The following WDR1 variants were observed in gnomAD, a reference collection of about 807,000 sequenced individuals.
WDR1 encodes the protein WD repeat domain 1, also known as WD repeat-containing protein 1.
Under a neutral mutation model 71.9 loss-of-function variants are expected in WDR1, and 21 were observed. The ratio of observed to expected loss-of-function variants is 0.29; its 90% confidence interval spans 0.21 to 0.42. WDR1 has a LOEUF of 0.42. Among genes scored for constraint, WDR1 ranks in the 10% least tolerant of loss-of-function variants. The pLI, the probability that WDR1 is intolerant of heterozygous loss-of-function variation, is 1.00. For synonymous variants in WDR1, 424 were observed against 347.4 expected, an observed-to-expected ratio of 1.22 and a Z score of -2.45; for missense variants, 696 against 824.5, an observed-to-expected ratio of 0.84 and a Z score of 1.91.
rs142328550 is a variant in WDR1, at chr4:10,110,597, AC to A, written c.138+5515del. ...GGAGAACTCTTATTCATCCTTCAAGACCCAACTCAAATGTGGCACTTCTCCA... is the reference window on the plus strand; with the variant it reads ...GGAGAACTCTTATTCATCCTTCAAGACCAACTCAAATGTGGCACTTCTCCA... On this transcript the variant is annotated intron_variant, in intron 2 of 14. Coordinates refer to ENST00000499869, the MANE Select transcript of WDR1 (RefSeq NM_017491.5). Among the ~76,000 whole-genome samples the A allele has an allele frequency of 8.9e-3, 1,349 of 152,100 alleles. 41 individuals are homozygous for A. The East Asian group carries it at 0.099, about 11-fold the overall frequency.
chr4:10,112,281 G>A (rs2241468), intron 2 of WDR1, among the ~76,000 whole-genome samples: 24,548 of 152,074 alleles, frequency 0.16, 2,545 homozygotes, highest in Middle Eastern at 0.23. Context: ...CAGACCTAAG[G>A]AGGTACCAGC....
chr4:10,087,212 CCCA>C (rs1205010558), intron 8 of WDR1, among the ~76,000 whole-genome samples: 1 of 152,230 alleles, frequency 6.6e-6, no homozygotes, highest in Admixed American at 6.5e-5. Context: ...TCACACCCTG[CCCA>C]CCACATTCAA....
chr4:10,079,372 C>T (rs1315597886), intron 11 of WDR1, among the ~76,000 whole-genome samples: 1 of 152,270 alleles, frequency 6.6e-6, no homozygotes, highest in Non-Finnish European at 1.5e-5. Flanking sequence ...CCCCTAGGCA[C>T]GTGCCAGCGC....
intron 4 of WDR1, 28 bp from the exon 5 acceptor site, chr4:10,097,919 A>C (rs1360436753): frequency 1.6e-5 from 3 of 191,742 alleles, no homozygotes; most frequent in African/African-American, 6.6e-5. Flanking sequence ...GGTGGAAGAC[A>C]AAAAAAAAAA....
chr4:10,116,588 G>A (rs1373772280), intron 1 of WDR1, 63 bp downstream of exon 1: 15 of 1,139,978 alleles, frequency 1.3e-5, no homozygotes, highest in Non-Finnish European at 1.3e-5. Flanking sequence ...GGCGCCTAGG[G>A]GCCGGGGACC....
Position 10,116,015 on chromosome 4 carries a change from G to A in WDR1, c.138+98C>T, listed in dbSNP as rs536644539. The A allele has an allele frequency of 6.0e-6, 9 of 1,493,790 alleles. No homozygotes were observed. The South Asian group carries it at 9.0e-5, about 15-fold the overall frequency. The allele number at this position is 1,493,790 out of a possible 1,614,324, so 92.5% of individuals were successfully genotyped here. On this transcript the variant is annotated intron_variant, in intron 2 of 14. Transcript: ENST00000499869. ...GGGCGTGGCGCCCTCACCCTCCCCG[G>A]GCCAATGGGCAGGAGGTGAGAAGTG... is the stretch of plus-strand genomic sequence containing the variant.
intron 2 of WDR1, among the ~76,000 whole-genome samples, chr4:10,105,230 CA>C (rs1262187592): frequency 6.6e-6 from 1 of 152,178 alleles, no homozygotes; most frequent in Non-Finnish European, 1.5e-5. Context: ...GATGGCACAA[CA>C]CACATCATAG....
In WDR1 at chr4:10,087,746, C is replaced by T; in HGVS notation, c.912G>A (p.Leu304=). 6.2e-7 allele frequency: 1 copy of T among 1,602,182 alleles called. No homozygotes were observed. Among genetic ancestry groups the T allele is most frequent in the Non-Finnish European group, 8.5e-7 (1 of 1,174,162 alleles). Residue 304 remains leucine, a synonymous_variant, in exon 8 of 15, where the codon CTG becomes CTA. Transcript: ENST00000499869. The part of the protein sequence containing the change: ...SVSLSGYINY[L]DRNNPSKPLH... The stretch of plus-strand genomic sequence containing the variant: ...GGGGCTTGCTGGGGTTGTTTCTGTC[C>T]AGATAGTTGATGTACCCGGACAGGG...
At chr4:10,081,749 A>T (rs1765024230) in intron 10 of WDR1, among the ~76,000 whole-genome samples, 1 of 151,778 alleles carries the variant, frequency 6.6e-6, no homozygotes, top group South Asian at 2.1e-4. Flanking sequence ...TTACACCCAG[A>T]TGTGGCTTTT....
At chr4:10,114,100 C>A (rs1294217941) in intron 2 of WDR1, among the ~76,000 whole-genome samples, 1 of 152,120 alleles carries the variant, frequency 6.6e-6, no homozygotes, top group Non-Finnish European at 1.5e-5. Flanking sequence ...TACTTGAGTA[C>A]CCAGTCCACC....
intron 5 of WDR1, among the ~76,000 whole-genome samples, chr4:10,094,458 C>T (rs758630535): frequency 2.0e-5 from 3 of 152,206 alleles, no homozygotes; most frequent in Non-Finnish European, 2.9e-5. Flanking sequence ...GTACCTATCC[C>T]AGGAGCCTGC....
intron 6 of WDR1, 109 bp downstream of exon 6, chr4:10,088,555 G>C (rs554647561): frequency 5.1e-6 from 6 of 1,171,104 alleles, no homozygotes; most frequent in South Asian, 3.9e-5. Context: ...GGAGGGCGAT[G>C]TCTAAGTTCT....
chr4:10,111,724 A>C (rs1431636357), intron 2 of WDR1, among the ~76,000 whole-genome samples: 1 of 152,002 alleles, frequency 6.6e-6, no homozygotes, highest in Non-Finnish European at 1.5e-5. Flanking sequence ...CGCAGGAAAC[A>C]CAGGTGAGTC....
Position 10,084,396 on chromosome 4 carries a change from C to T in WDR1, c.1039+47G>A, listed in dbSNP as rs752931143. The T allele has an allele frequency of 2.0e-5, 32 of 1,569,984 alleles. No homozygotes were observed. The Admixed American group carries it at 5.6e-4, about 27-fold the overall frequency. Reference sequence around the variant, plus strand: ...GGCATCATGGGAACAGGAAATTCCCCCCTAGAGCCAGCGGCTCCGGAGCCA... The same window carrying T: ...GGCATCATGGGAACAGGAAATTCCCTCCTAGAGCCAGCGGCTCCGGAGCCA... On this transcript the variant is annotated intron_variant, in intron 9 of 14. Transcript: ENST00000499869.
chr4:10,109,378 G>A (rs1202380100), intron 2 of WDR1, among the ~76,000 whole-genome samples: 2 of 152,226 alleles, frequency 1.3e-5, no homozygotes, highest in African/African-American at 2.4e-5. Context: ...CATATGTGGC[G>A]GCCTTTACTC....
At chr4:10,076,640 G>C (rs1764806333) in intron 14 of WDR1, 1 of 152,358 alleles carries the variant, frequency 6.6e-6, no homozygotes, top group African/African-American at 2.4e-5. Flanking sequence ...CTGCAGCTGG[G>C]GAATGGGCTC....
At chr4:10,112,613 G>A (rs925612758) in intron 2 of WDR1, among the ~76,000 whole-genome samples, 1 of 152,206 alleles carries the variant, frequency 6.6e-6, no homozygotes, top group Non-Finnish European at 1.5e-5. Flanking sequence ...GACAGAGGGG[G>A]CTCCAAGTGC....
intron 9 of WDR1, 116 bp from the exon 10 acceptor site, chr4:10,083,294 C>A: frequency 7.6e-7 from 1 of 1,319,212 alleles, no homozygotes; most frequent in Non-Finnish European, 1.0e-6. Context: ...CGCAAACGGA[C>A]ATAACCATTC....
intron 5 of WDR1, among the ~76,000 whole-genome samples, chr4:10,090,333 G>T (rs545596200): frequency 2.6e-5 from 4 of 152,190 alleles, no homozygotes; most frequent in Non-Finnish European, 5.9e-5. Context: ...CATAGGCCCA[G>T]AAAGAGGAAT....
Sources: allele counts gnomAD v4.1 joint callset (sites outside exome capture counted in the v4.1 genomes callset), GRCh38; gene constraint gnomAD v4.1.1; transcripts MANE v1.5; gene names NCBI Gene and HGNC (gene_info 2026-07-23, HGNC 2026-07-21).